The following SLC1A3 variants were observed in gnomAD, a reference collection of about 807,000 sequenced individuals.
SLC1A3 encodes the protein excitatory amino acid transporter 1.
SLC1A3 carries 21 observed loss-of-function variants against 48.1 expected under a neutral mutation model. That is an observed-to-expected ratio of 0.44 (90% confidence interval 0.31 to 0.63). The LOEUF (loss-of-function observed/expected upper bound fraction) is 0.63, where lower values mean the gene tolerates loss of function less well. SLC1A3 is among the 20% of genes least tolerant of loss of function. The pLI is 0.08. For synonymous variants in SLC1A3, 239 were observed against 251.4 expected, an observed-to-expected ratio of 0.95 and a Z score of 0.47; for missense variants, 546 against 689.0, an observed-to-expected ratio of 0.79 and a Z score of 2.32.
intron 8 of SLC1A3, among the ~76,000 whole-genome samples, chr5:36,683,482 G>A (rs1742519837): frequency 6.6e-6 from 1 of 152,090 alleles, no homozygotes. Flanking sequence ...GCCAAGGTGG[G>A]TGGATCACTT....
At chr5:36,674,416 C>T (rs6881822) in intron 5 of SLC1A3, among the ~76,000 whole-genome samples, 68,073 of 151,730 alleles carry the variant, frequency 0.45, 15,923 homozygotes, top group Middle Eastern at 0.57. Flanking sequence ...CAAACAAACA[C>T]CAATATAAAA....
chr5:36,682,919 C>G (rs1742494407), intron 8 of SLC1A3, among the ~76,000 whole-genome samples: 1 of 152,202 alleles, frequency 6.6e-6, no homozygotes, highest in Non-Finnish European at 1.5e-5. Flanking sequence ...CTGTGACAGA[C>G]TTAATACTTT....
At chr5:36,652,759 G>A (rs1260770643) in intron 3 of SLC1A3, among the ~76,000 whole-genome samples, 1 of 152,092 alleles carries the variant, frequency 6.6e-6, no homozygotes, top group Non-Finnish European at 1.5e-5. Context: ...AATGCACAGC[G>A]GAAGAAAATT....
intron 2 of SLC1A3, among the ~76,000 whole-genome samples, chr5:36,628,908 AG>A (rs1290425244): frequency 6.6e-6 from 1 of 152,226 alleles, no homozygotes; most frequent in African/African-American, 2.4e-5. Context: ...CCATGTAGAC[AG>A]AGGGAGAAAA....
At chr5:36,661,596 C>T (rs1464647110) in intron 3 of SLC1A3, among the ~76,000 whole-genome samples, 1 of 152,200 alleles carries the variant, frequency 6.6e-6, no homozygotes, top group Non-Finnish European at 1.5e-5. Context: ...TGTGGGTGGG[C>T]ACAGGTGCAT....
intron 3 of SLC1A3, among the ~76,000 whole-genome samples, chr5:36,659,567 G>A (rs190623557): frequency 6.6e-6 from 1 of 152,174 alleles, no homozygotes; most frequent in African/African-American, 2.4e-5. Context: ...GCTGATAAGT[G>A]GGGGGAGCCA....
At chr5:36,637,115 T>C (rs448281) in intron 3 of SLC1A3, among the ~76,000 whole-genome samples, 119,984 of 152,126 alleles carry the variant, frequency 0.79, 48,226 homozygotes, top group African/African-American at 0.94. Context: ...TTCCACCATC[T>C]TGATTGCCTC....
intron 3 of SLC1A3, among the ~76,000 whole-genome samples, chr5:36,663,787 G>A (rs1379483094): frequency 6.6e-6 from 1 of 152,210 alleles, no homozygotes; most frequent in Non-Finnish European, 1.5e-5. Context: ...TGACCAGGGT[G>A]AAAACCCGTG....
chr5:36,602,474 AG>A (rs552736819), upstream of SLC1A3, among the ~76,000 whole-genome samples: 910 of 152,326 alleles, frequency 6.0e-3, 10 homozygotes, highest in Middle Eastern at 0.031. Flanking sequence ...AATCTTTTCC[AG>A]CTAAACGGAT....
At chr5:36,647,368 C>A (rs553830820) in intron 3 of SLC1A3, among the ~76,000 whole-genome samples, 1 of 152,288 alleles carries the variant, frequency 6.6e-6, no homozygotes, top group South Asian at 2.1e-4. Context: ...GTACAAGAGG[C>A]AAAATTATCT....
At chr5:36,623,732 C>T (rs1444694815) in intron 2 of SLC1A3, among the ~76,000 whole-genome samples, 3 of 151,142 alleles carry the variant, frequency 2.0e-5, no homozygotes, top group Middle Eastern at 6.8e-3. Context: ...TGCATGGTGG[C>T]GCATGCCTGT....
intron 2 of SLC1A3, among the ~76,000 whole-genome samples, chr5:36,621,905 T>A (rs1739690589): frequency 6.6e-6 from 1 of 152,176 alleles, no homozygotes; most frequent in Non-Finnish European, 1.5e-5. Flanking sequence ...GACACTCCTG[T>A]GATTATATTA....
chr5:36,684,586 T>C (rs537594488), intron 9 of SLC1A3, among the ~76,000 whole-genome samples: 2 of 152,326 alleles, frequency 1.3e-5, no homozygotes, highest in South Asian at 4.1e-4. Flanking sequence ...CCCTCGCTCT[T>C]CCAGCTGGCA....
At chr5:36,684,691 A>C (rs1742576100) in intron 9 of SLC1A3, among the ~76,000 whole-genome samples, 1 of 152,190 alleles carries the variant, frequency 6.6e-6, no homozygotes, top group African/African-American at 2.4e-5. Flanking sequence ...TACGTGTTGG[A>C]GTTAACACAA....
In SLC1A3 at chr5:36,680,531, A is replaced by G; in HGVS notation, c.1231A>G (p.Ile411Val). 6.2e-7 allele frequency: 1 copy of G among 1,614,206 alleles called. No homozygotes were observed. The highest frequency in any genetic ancestry group is 8.5e-7 in the Non-Finnish European group (1 of 1,180,016). The change falls in exon 8 of 10, where the codon ATT (isoleucine) becomes GTT (valine). Residue 411 changes from isoleucine to valine, a missense_variant. Coordinates refer to ENST00000265113, the MANE Select transcript of SLC1A3 (RefSeq NM_004172.5). ...GTALYEALAA[I>V]FIAQVNNFEL... Reference sequence around the variant, plus strand: ...TGCCCTCTATGAGGCTTTGGCTGCCATTTTCATTGCTCAAGTTAACAACTT... The same window carrying G: ...TGCCCTCTATGAGGCTTTGGCTGCCGTTTTCATTGCTCAAGTTAACAACTT...
Position 36,639,906 on chromosome 5 carries a change from C to T in SLC1A3, c.319+10319C>T, listed in dbSNP as rs529669853. Reference sequence around the variant, plus strand: ...ACTCTAATTTGAATAGACTTCTAAACTGATTACCCTGGAAATGACTGGGAA... The same window carrying T: ...ACTCTAATTTGAATAGACTTCTAAATTGATTACCCTGGAAATGACTGGGAA... On this transcript the variant is annotated intron_variant, in intron 3 of 9. Transcript: ENST00000265113. Among the ~76,000 whole-genome samples the T allele has an allele frequency of 3.3e-5, 5 of 152,296 alleles. No homozygotes were observed. In the South Asian group the frequency reaches 1.0e-3, roughly 32 times the overall value.
At chr5:36,649,901 A>G (rs1275568046) in intron 3 of SLC1A3, among the ~76,000 whole-genome samples, 1 of 152,246 alleles carries the variant, frequency 6.6e-6, no homozygotes, top group East Asian at 1.9e-4. Context: ...CTTGAGTGAG[A>G]TGGGCCTTCC....
chr5:36,686,448 C>A lies in SLC1A3; in HGVS notation c.*179C>A, dbSNP rs2111992506. 3.2e-6 allele frequency: 2 copies of A among 616,928 alleles called. No homozygotes were observed. The highest frequency in any genetic ancestry group is 1.8e-5 in the African/African-American group (1 of 54,282). 38.2% of individuals were successfully genotyped at this position (616,928 alleles called of 1,614,324 possible). On this transcript the variant is annotated 3_prime_UTR_variant, in exon 10 of 10. Transcript: ENST00000265113. Reference sequence around the variant, plus strand: ...GAGGATTTTGGGTGGCCAAAGTGTACAATTTTCATCCCACAATTGAAATTT... The same window carrying A: ...GAGGATTTTGGGTGGCCAAAGTGTAAAATTTTCATCCCACAATTGAAATTT...
chr5:36,657,842 G>A (rs1453690933), intron 3 of SLC1A3, among the ~76,000 whole-genome samples: 2 of 152,252 alleles, frequency 1.3e-5, no homozygotes, highest in African/African-American at 4.8e-5. Flanking sequence ...GAATGTAGCC[G>A]TGTGCTTCCT....
Sources: allele counts gnomAD v4.1 joint callset (sites outside exome capture counted in the v4.1 genomes callset), GRCh38; gene constraint gnomAD v4.1.1; transcripts MANE v1.5; gene names NCBI Gene and HGNC (gene_info 2026-07-23, HGNC 2026-07-21).